The following PUDP variants were observed in gnomAD, a reference collection of about 807,000 sequenced individuals.
The protein encoded by PUDP is pseudouridine-5'-phosphatase.
In PUDP, 8 loss-of-function variants were observed where a neutral mutation model predicts 9.4. The ratio of observed to expected loss-of-function variants is 0.85; its 90% CI spans 0.50 to 1.53. The LOEUF (loss-of-function observed/expected upper bound fraction) is 1.53, where lower values mean the gene tolerates loss of function less well. PUDP is among the 40% of genes most tolerant of loss of function. The probability of loss-of-function intolerance (pLI) is 0.00; values close to 1 mark genes in which losing one functional copy is unlikely to be tolerated. For missense variants in PUDP, 188 were observed against 189.7 expected (o/e 0.99, Z 0.05); for synonymous variants, 99 against 80.7 (o/e 1.23, Z -1.22).
intron 3 of PUDP, among the ~76,000 whole-genome samples, chrX:6,941,341 CTTT>C (rs761887998): frequency 2.5e-5 from 2 of 78,645 alleles, no homozygotes; most frequent in Admixed American, 1.6e-4. Flanking sequence ...TCTTTTCTGT[CTTT>C]TTTTTTTTTT....
intron 3 of PUDP, among the ~76,000 whole-genome samples, chrX:6,805,078 G>A (rs1926027567): frequency 9.0e-6 from 1 of 110,526 alleles, no homozygotes; most frequent in African/African-American, 3.3e-5. Flanking sequence ...ACCAGCCTGG[G>A]CAACATGGCG....
intron 1 of PUDP, among the ~76,000 whole-genome samples, chrX:6,719,485 T>G (rs1924636734): frequency 8.9e-6 from 1 of 112,429 alleles, no homozygotes; most frequent in South Asian, 3.7e-4. Flanking sequence ...AACTGTGAGA[T>G]AGCAAATGTA....
chrX:6,768,480 G>A (rs770793978), intron 3 of PUDP, among the ~76,000 whole-genome samples: 1 of 111,834 alleles, frequency 8.9e-6, no homozygotes, highest in East Asian at 2.8e-4. Context: ...TGATAATTTC[G>A]GACTCAGGAT....
chrX:7,044,133 T>C (rs2146832322), downstream of PUDP, among the ~76,000 whole-genome samples: 1 of 112,757 alleles, frequency 8.9e-6, no homozygotes, highest in East Asian at 2.8e-4. Context: ...AATGACATTT[T>C]GCAGTGTTTT....
At chrX:6,835,873 C>CTTT (rs11422118) in intron 3 of PUDP, among the ~76,000 whole-genome samples, 21 of 100,577 alleles carry the variant, frequency 2.1e-4, no homozygotes, top group South Asian at 4.5e-4. Flanking sequence ...CTGCCACTGG[C>CTTT]TTTTTTTTTT....
chrX:6,865,372 T>C (rs890564267), intron 3 of PUDP, among the ~76,000 whole-genome samples: 8 of 112,397 alleles, frequency 7.1e-5, no homozygotes, highest in Non-Finnish European at 9.4e-5. Flanking sequence ...TCTTTCTAAA[T>C]TCTCTCTCAT....
intron 3 of PUDP, among the ~76,000 whole-genome samples, chrX:6,965,056 G>A (rs1414137687): frequency 8.9e-6 from 1 of 111,979 alleles, no homozygotes; most frequent in Non-Finnish European, 1.9e-5. Context: ...GCATGAAATA[G>A]TCATAGGCCA....
At chrX:6,752,622 G>C (rs1233507142) in intron 3 of PUDP, among the ~76,000 whole-genome samples, 5 of 111,558 alleles carry the variant, frequency 4.5e-5, no homozygotes, top group South Asian at 3.8e-4. Flanking sequence ...TTATAGAACA[G>C]AGTGACGTCA....
intron 3 of PUDP, 49 bp from the exon 4 acceptor site, chrX:7,050,521 T>G (rs756997311): frequency 9.1e-7 from 1 of 1,096,872 alleles, no homozygotes; most frequent in Admixed American, 2.3e-5. Flanking sequence ...GAACCAGACA[T>G]GTGGATGAAG....
Position 6,861,668 on chromosome X carries a change from G to C in PUDP, c.*247+115465C>G, listed in dbSNP as rs148006918. ...TCCCACGAGTCAACCCCGAGACAAG[G>C]AGGTGAGTGTAGTGGCCTTATTTAT... On this transcript the variant is annotated intron_variant and NMD_transcript_variant, in intron 3 of 3. Coordinates refer to the PUDP transcript ENST00000655425. Among the ~76,000 whole-genome samples, 79 of 111,316 alleles carry C rather than the reference G, an allele frequency of 7.1e-4. 1 individual carries two copies. In the East Asian group the frequency reaches 0.021, roughly 29 times the overall value.
chrX:7,017,218 A>C (rs1929562818), intron 1 of PUDP, among the ~76,000 whole-genome samples: 1 of 111,918 alleles, frequency 8.9e-6, no homozygotes, highest in African/African-American at 3.3e-5. Flanking sequence ...TTCTGAAATT[A>C]AACATATCGA....
intron 3 of PUDP, among the ~76,000 whole-genome samples, chrX:6,806,629 T>G (rs1926054245): frequency 8.9e-6 from 1 of 111,980 alleles, no homozygotes; most frequent in Non-Finnish European, 1.9e-5. Flanking sequence ...ATGCATGGCC[T>G]AGGTGAGATT....
intron 3 of PUDP, among the ~76,000 whole-genome samples, chrX:6,826,378 T>G (rs1268434989): frequency 5.4e-5 from 6 of 111,981 alleles, no homozygotes; most frequent in African/African-American, 1.9e-4. Flanking sequence ...AATGTCTCAT[T>G]ATTTAAGAAG....
At chrX:6,778,068 G>A (rs989595006) in intron 3 of PUDP, among the ~76,000 whole-genome samples, 2 of 111,900 alleles carry the variant, frequency 1.8e-5, no homozygotes, top group African/African-American at 6.5e-5. Flanking sequence ...AGACTATTCC[G>A]AGGCAGATAA....
At chrX:7,036,168 G>C (rs989324917) in intron 1 of PUDP, among the ~76,000 whole-genome samples, 5 of 111,573 alleles carry the variant, frequency 4.5e-5, no homozygotes, top group African/African-American at 1.6e-4. Context: ...CCAGCCTCAG[G>C]TATTCTTTAT....
At chrX:6,856,640 G>C (rs1926910625) in intron 3 of PUDP, among the ~76,000 whole-genome samples, 1 of 111,864 alleles carries the variant, frequency 8.9e-6, no homozygotes, top group Non-Finnish European at 1.9e-5. Context: ...AACACTTTCT[G>C]ATGCTGGGGT....
At chrX:6,845,070 C>A (rs925305003) in intron 3 of PUDP, among the ~76,000 whole-genome samples, 1 of 112,252 alleles carries the variant, frequency 8.9e-6, no homozygotes, top group African/African-American at 3.2e-5. Flanking sequence ...GATTCAAATG[C>A]TCATCTCTTC....
chrX:7,045,031 C>A (rs778398910), downstream of PUDP, among the ~76,000 whole-genome samples: 7 of 112,119 alleles, frequency 6.2e-5, no homozygotes, highest in Non-Finnish European at 1.3e-4. Context: ...TGTGTCCCCC[C>A]CCAAATCTCA....
intron 3 of PUDP, among the ~76,000 whole-genome samples, chrX:7,056,866 C>G (rs1025910441): frequency 8.9e-6 from 1 of 112,351 alleles, no homozygotes; most frequent in Admixed American, 9.4e-5. Context: ...GAAGACAGAA[C>G]TCTTGAATAG....
Sources: allele counts gnomAD v4.1 joint callset (sites outside exome capture counted in the v4.1 genomes callset), GRCh38; gene constraint gnomAD v4.1.1; transcripts MANE v1.5; gene names NCBI Gene and HGNC (gene_info 2026-07-23, HGNC 2026-07-21).